Variants in PPFIA2 observed in about 807,000 individuals in gnomAD.
PPFIA2 encodes PPFI scaffold protein A2, also known as liprin-alpha-2.
In PPFIA2, 46 loss-of-function variants were observed where a neutral mutation model predicts 175.5. The observed-to-expected ratio is 0.26, with a 90% CI of 0.21 to 0.34. PPFIA2 has a LOEUF of 0.34. Among genes scored for constraint, PPFIA2 ranks in the 10% least tolerant of loss-of-function variants. The pLI is 1.00. For synonymous variants in PPFIA2, 568 were observed against 511.4 expected (o/e 1.11, Z -1.49); for missense variants, 1,179 against 1,506.1 (o/e 0.78, Z 3.60).
At chr12:81,334,097 A>G (rs1055257413) in intron 21 of PPFIA2, among the ~76,000 whole-genome samples, 1 of 152,212 alleles carries the variant, frequency 6.6e-6, no homozygotes, top group African/African-American at 2.4e-5. Flanking sequence ...TATTTTTAAC[A>G]TAGGTTAATT....
chr12:81,607,690 C>T (rs983540507), intron 4 of PPFIA2, among the ~76,000 whole-genome samples: 2 of 152,012 alleles, frequency 1.3e-5, no homozygotes, highest in Non-Finnish European at 2.9e-5. Context: ...TTCTAGTAGC[C>T]TTTTGGCAGA....
chr12:81,458,594 GT>G (rs1015868379), intron 4 of PPFIA2, among the ~76,000 whole-genome samples: 5 of 152,064 alleles, frequency 3.3e-5, no homozygotes, highest in African/African-American at 1.2e-4. Flanking sequence ...GAGTAATTCT[GT>G]CTTCATGTGG....
chr12:81,483,005 A>G (rs2058421816), intron 4 of PPFIA2, among the ~76,000 whole-genome samples: 1 of 152,160 alleles, frequency 6.6e-6, no homozygotes, highest in African/African-American at 2.4e-5. Flanking sequence ...TGTGATAAAA[A>G]TTGAATTGTG....
At chr12:81,359,525 A>G (rs771561177) in intron 15 of PPFIA2, among the ~76,000 whole-genome samples, 1 of 151,788 alleles carries the variant, frequency 6.6e-6, no homozygotes. Flanking sequence ...TCTAAGTTTC[A>G]TGAAGAACAA....
chr12:81,446,761 T>A (rs558538281), intron 5 of PPFIA2, among the ~76,000 whole-genome samples: 1 of 152,304 alleles, frequency 6.6e-6, no homozygotes, highest in African/African-American at 2.4e-5. Context: ...AAAACAACTT[T>A]ATTTTTTTCT....
chr12:81,369,285 A>G, intron 11 of PPFIA2, 91 bp from the exon 12 acceptor site: 2 of 1,543,454 alleles, frequency 1.3e-6, no homozygotes, highest in Non-Finnish European at 1.7e-6. Flanking sequence ...AAAGCAAGCT[A>G]CTACCAACTG....
intron 4 of PPFIA2, among the ~76,000 whole-genome samples, chr12:81,625,468 C>A (rs1038174257): frequency 1.5e-4 from 23 of 151,732 alleles, no homozygotes; most frequent in Non-Finnish European, 1.9e-4. Flanking sequence ...TATGTGATGA[C>A]CTGACTAGGA....
At chr12:81,721,358 A>G (rs1288536088) in intron 3 of PPFIA2, among the ~76,000 whole-genome samples, 2 of 151,338 alleles carry the variant, frequency 1.3e-5, no homozygotes, top group Non-Finnish European at 3.0e-5. Flanking sequence ...ATAAACTCCA[A>G]TTGGGAAGGG....
chr12:81,259,758 C>T, intron 32 of PPFIA2, 98 bp from the exon 33 acceptor site: 1 of 1,005,202 alleles, frequency 9.9e-7, no homozygotes, highest in Non-Finnish European at 1.5e-6. Context: ...AGCCTGCTTA[C>T]TCCTGTCCTA....
At chr12:81,427,638 A>C (rs1351158631) in intron 7 of PPFIA2, among the ~76,000 whole-genome samples, 1 of 152,054 alleles carries the variant, frequency 6.6e-6, no homozygotes, top group African/African-American at 2.4e-5. Context: ...CGTGGGTATA[A>C]CATAAAGTAC....
intron 4 of PPFIA2, among the ~76,000 whole-genome samples, chr12:81,651,603 G>C (rs951538736): frequency 2.0e-5 from 3 of 152,038 alleles, no homozygotes; most frequent in African/African-American, 7.2e-5. Context: ...GTGGTGTTAT[G>C]ACTGAATGCT....
At chr12:81,523,476 T>C (rs2153259446) in intron 4 of PPFIA2, among the ~76,000 whole-genome samples, 1 of 152,324 alleles carries the variant, frequency 6.6e-6, no homozygotes, top group South Asian at 2.1e-4. Context: ...CTAGTCATAT[T>C]CAAGGACATG....
chr12:81,534,603 C>T (rs928529628), intron 4 of PPFIA2, among the ~76,000 whole-genome samples: 2 of 151,560 alleles, frequency 1.3e-5, no homozygotes, highest in East Asian at 3.9e-4. Flanking sequence ...TACTGTTAAA[C>T]TTTGAGTTTC....
At chr12:81,510,284 G>C (rs966405212) in intron 4 of PPFIA2, among the ~76,000 whole-genome samples, 4 of 152,006 alleles carry the variant, frequency 2.6e-5, no homozygotes, top group African/African-American at 9.7e-5. Context: ...ACTTCCCACA[G>C]GAACCATACA....
intron 24 of PPFIA2, 182 bp from the exon 25 acceptor site, chr12:81,284,485 A>G: frequency 1.9e-6 from 1 of 523,372 alleles, no homozygotes; most frequent in East Asian, 2.9e-5. Flanking sequence ...TCTTCTACTC[A>G]AAAAGATTAA....
chr12:81,340,871 C>T (rs1417195886), intron 20 of PPFIA2, among the ~76,000 whole-genome samples: 1 of 151,866 alleles, frequency 6.6e-6, no homozygotes, highest in Non-Finnish European at 1.5e-5. Context: ...AATAATAAGA[C>T]CACAAAGATA....
At chr12:81,457,999 T>C in intron 4 of PPFIA2, 133 bp from the exon 5 acceptor site, 1 of 609,258 alleles carries the variant, frequency 1.6e-6, no homozygotes, top group Non-Finnish European at 2.9e-6. Context: ...GTTGCTGTTA[T>C]GAAGTATCTT....
chr12:81,409,584 G>A (rs951344441), intron 7 of PPFIA2, among the ~76,000 whole-genome samples: 1 of 152,102 alleles, frequency 6.6e-6, no homozygotes, highest in Non-Finnish European at 1.5e-5. Flanking sequence ...ACTCATGCCA[G>A]ATGCCAGTGT....
intron 4 of PPFIA2, among the ~76,000 whole-genome samples, chr12:81,651,609 A>C (rs2067032323): frequency 6.6e-6 from 1 of 152,114 alleles, no homozygotes; most frequent in African/African-American, 2.4e-5. Context: ...TTATGACTGA[A>C]TGCTACAAGA....
Sources: allele counts gnomAD v4.1 joint callset (sites outside exome capture counted in the v4.1 genomes callset), GRCh38; gene constraint gnomAD v4.1.1; transcripts MANE v1.5; gene names NCBI Gene and HGNC (gene_info 2026-07-23, HGNC 2026-07-21).